The following HPGDS variants were observed in gnomAD, a reference collection of about 807,000 sequenced individuals.
HPGDS encodes GST class-sigma.
A neutral mutation model predicts 23.1 loss-of-function variants in HPGDS; 26 were observed. The observed-to-expected ratio is 1.13, with a 90% CI of 0.83 to 1.56. The LOEUF (loss-of-function observed/expected upper bound fraction) is 1.56, where lower values mean the gene tolerates loss of function less well. Among genes scored for constraint, HPGDS ranks in the 40% most tolerant of loss-of-function variants. The pLI is 0.00. For synonymous variants in HPGDS, 95 were observed against 77.9 expected (o/e 1.22, Z -1.16); for missense variants, 268 against 236.4 (o/e 1.13, Z -0.88).
rs1343759843 is a variant in HPGDS, at chr4:94,337,177, AC to A, written c.-9-2540del. ...ATGGGGTTTCACTTATGTTGGCCAG[AC>A]TGGTCTCAGATTGGTCTCCCAACCT... On this transcript the variant is annotated intron_variant, in intron 1 of 5. Coordinates refer to ENST00000295256, the MANE Select transcript of HPGDS (RefSeq NM_014485.3). Among the ~76,000 whole-genome samples the A allele has an allele frequency of 3.9e-4, 60 of 151,948 alleles. 1 individual carries two copies. The highest frequency in any genetic ancestry group is 1.2e-3 in the African/African-American group (51 of 41,468).
intron 3 of HPGDS, among the ~76,000 whole-genome samples, chr4:94,316,198 T>C (rs1304178246): frequency 6.6e-6 from 1 of 151,998 alleles, no homozygotes. Flanking sequence ...TTGAAAAAAG[T>C]ATTTTGAACA....
At chr4:94,301,650 T>G (rs1756042592) in intron 5 of HPGDS, among the ~76,000 whole-genome samples, 1 of 152,140 alleles carries the variant, frequency 6.6e-6, no homozygotes, top group Non-Finnish European at 1.5e-5. Flanking sequence ...TCAACACAAT[T>G]TATTTTTGTA....
chr4:94,328,185 C>T (rs1310862894), intron 2 of HPGDS, among the ~76,000 whole-genome samples: 1 of 152,252 alleles, frequency 6.6e-6, no homozygotes, highest in Non-Finnish European at 1.5e-5. Context: ...ATTCCAGCCA[C>T]ATCAGCTGCT....
At chr4:94,341,134 C>T (rs1480575092) in intron 1 of HPGDS, among the ~76,000 whole-genome samples, 1 of 152,056 alleles carries the variant, frequency 6.6e-6, no homozygotes, top group African/African-American at 2.4e-5. Context: ...CCTCGCCCGG[C>T]CAAACTTTTT....
intron 2 of HPGDS, among the ~76,000 whole-genome samples, chr4:94,321,226 G>A (rs1338764992): frequency 6.6e-6 from 1 of 152,196 alleles, no homozygotes; most frequent in Non-Finnish European, 1.5e-5. Context: ...TTTTTGCTTA[G>A]GATTGACTTG....
At chr4:94,328,502 T>C (rs1397309097) in intron 2 of HPGDS, among the ~76,000 whole-genome samples, 1 of 152,202 alleles carries the variant, frequency 6.6e-6, no homozygotes. Context: ...AAACCTATTA[T>C]ATTTTTGTCA....
Position 94,340,099 on chromosome 4 carries a change from G to T in HPGDS, c.-10+2696C>A, listed in dbSNP as rs1362144107. On this transcript the variant is annotated intron_variant, in intron 1 of 5. Coordinates refer to ENST00000295256, the MANE Select transcript of HPGDS (RefSeq NM_014485.3). ...CCCAAGTAGCTAGGATTATAGGTGTGCGCCACCACATACAGCTAATTTTTG... is the reference window on the plus strand; with the variant it reads ...CCCAAGTAGCTAGGATTATAGGTGTTCGCCACCACATACAGCTAATTTTTG... Among the ~76,000 whole-genome samples the T allele has an allele frequency of 2.0e-5, 3 of 151,658 alleles. No individual in the cohort carries two copies. In the East Asian group the frequency reaches 5.8e-4, roughly 29 times the overall value.
chr4:94,333,277 C>A (rs566787159), intron 2 of HPGDS, among the ~76,000 whole-genome samples: 2 of 152,288 alleles, frequency 1.3e-5, no homozygotes, highest in East Asian at 3.9e-4. Context: ...AAATGATTAT[C>A]CACAATTAAA....
intron 3 of HPGDS, among the ~76,000 whole-genome samples, chr4:94,310,567 G>C (rs1191650435): frequency 1.3e-5 from 2 of 152,250 alleles, no homozygotes; most frequent in African/African-American, 4.8e-5. Context: ...GTCGGGTAGC[G>C]TGATGCTTCC....
At position 94,317,915 on chromosome 4, in the gene HPGDS, G is replaced by A; in HGVS notation, c.184C>T (p.His62Tyr). 3.1e-6 allele frequency: 5 copies of A among 1,612,328 alleles called. No homozygotes were observed. The highest frequency in any genetic ancestry group is 4.2e-6 in the Non-Finnish European group (5 of 1,179,076). The change falls in exon 3 of 6, where the codon CAC (histidine) becomes TAC (tyrosine). Residue 62 changes from histidine to tyrosine, a missense_variant. By Grantham distance (83) the His-to-Tyr change is moderately conservative. Transcript: ENST00000295256. ...PILEVDGLTL[H>Y]QSLAIARYLT... ...TATCTTGCTATTGCTAGGCTCTGGT[G>A]AAGAGTAAGTCCATCAACTTCCAAA...
intron 3 of HPGDS, among the ~76,000 whole-genome samples, chr4:94,311,294 AT>A (rs1474782114): frequency 1.3e-5 from 2 of 151,332 alleles, no homozygotes; most frequent in Non-Finnish European, 2.9e-5. Flanking sequence ...AGCTCTTACT[AT>A]TTTGAGATAC....
chr4:94,336,254 A>T (rs1320063007), intron 1 of HPGDS, among the ~76,000 whole-genome samples: 1 of 152,130 alleles, frequency 6.6e-6, no homozygotes, highest in African/African-American at 2.4e-5. Flanking sequence ...TAAAAGGTTA[A>T]ACACGAATCA....
At chr4:94,304,560 C>G (rs1756105846) in intron 4 of HPGDS, among the ~76,000 whole-genome samples, 1 of 151,994 alleles carries the variant, frequency 6.6e-6, no homozygotes, top group Admixed American at 6.6e-5. Context: ...TTTCACCTGA[C>G]CACAAGATGG....
At chr4:94,322,190 A>G (rs1756525539) in intron 2 of HPGDS, among the ~76,000 whole-genome samples, 1 of 147,618 alleles carries the variant, frequency 6.8e-6, no homozygotes, top group Non-Finnish European at 1.5e-5. Flanking sequence ...GGATTTTCCC[A>G]TCGATGTTCA....
intron 2 of HPGDS, among the ~76,000 whole-genome samples, chr4:94,332,940 G>T (rs1317549580): frequency 6.6e-6 from 1 of 152,108 alleles, no homozygotes; most frequent in East Asian, 1.9e-4. Flanking sequence ...TGTCCTTATG[G>T]ACTTTGGCCC....
chr4:94,314,138 T>C (rs913346799), intron 3 of HPGDS, among the ~76,000 whole-genome samples: 9 of 152,236 alleles, frequency 5.9e-5, no homozygotes, highest in African/African-American at 1.7e-4. Flanking sequence ...TTCTCTCAAC[T>C]CATCAAAGTC....
At chr4:94,322,741 G>GT (rs1756542412) in intron 2 of HPGDS, among the ~76,000 whole-genome samples, 3 of 151,674 alleles carry the variant, frequency 2.0e-5, no homozygotes, top group Admixed American at 6.6e-5. Flanking sequence ...TTTTTGAAGG[G>GT]TTTTTTGTAT....
At chr4:94,330,362 C>T (rs1210517565) in intron 2 of HPGDS, among the ~76,000 whole-genome samples, 1 of 152,136 alleles carries the variant, frequency 6.6e-6, no homozygotes, top group African/African-American at 2.4e-5. Context: ...AAATGGGACC[C>T]AATTACAAAT....
chr4:94,325,013 G>C (rs1366061393), intron 2 of HPGDS, among the ~76,000 whole-genome samples: 4 of 152,166 alleles, frequency 2.6e-5, no homozygotes, highest in Non-Finnish European at 4.4e-5. Context: ...CTAACAGTCA[G>C]GTCCCTCAGC....
Sources: gnomAD v4.1 joint callset for allele counts (sites outside exome capture counted in the v4.1 genomes callset) on GRCh38, gnomAD v4.1.1 for gene constraint, MANE v1.5 for transcripts, NCBI Gene and HGNC (gene_info 2026-07-23, HGNC 2026-07-21) for gene names.